Variants in ATG2B observed in about 807,000 individuals in gnomAD.
The protein encoded by ATG2B is autophagy related 2B.
ATG2B carries 121 observed loss-of-function variants against 241.3 expected under a neutral mutation model. The ratio of observed to expected loss-of-function variants is 0.50; its 90% CI spans 0.43 to 0.58. ATG2B has a LOEUF of 0.58. Among genes scored for constraint, ATG2B ranks in the 20% least tolerant of loss-of-function variants. ATG2B has a pLI of 0.00. For synonymous variants in ATG2B, 858 were observed against 876.6 expected, an observed-to-expected ratio of 0.98 and a Z score of 0.37; for missense variants, 2,306 against 2,491.6, an observed-to-expected ratio of 0.93 and a Z score of 1.59.
At chr14:96,312,767 T>C (rs1335057089) in intron 25 of ATG2B, among the ~76,000 whole-genome samples, 1 of 151,922 alleles carries the variant, frequency 6.6e-6, no homozygotes, top group South Asian at 2.1e-4. Context: ...AATAAAAAAA[T>C]TAAATAAAAA....
intron 1 of ATG2B, among the ~76,000 whole-genome samples, chr14:96,351,603 G>A (rs1339582665): frequency 1.3e-5 from 2 of 152,082 alleles, no homozygotes; most frequent in Non-Finnish European, 2.9e-5. Context: ...AGGCATGGTG[G>A]CCCACGCCTT....
chr14:96,306,079 A>C (rs1886938449), intron 30 of ATG2B, among the ~76,000 whole-genome samples: 1 of 152,256 alleles, frequency 6.6e-6, no homozygotes, highest in African/African-American at 2.4e-5. Flanking sequence ...TTTGATAATA[A>C]AAAAGCACAA....
intron 1 of ATG2B, among the ~76,000 whole-genome samples, chr14:96,360,464 T>C (rs974610363): frequency 6.6e-6 from 1 of 152,238 alleles, no homozygotes; most frequent in Non-Finnish European, 1.5e-5. Flanking sequence ...AAACATTGCT[T>C]ATTTTTTAAG....
chr14:96,308,207 TATAA>T (rs1887010350), intron 29 of ATG2B, among the ~76,000 whole-genome samples: 1 of 126,070 alleles, frequency 7.9e-6, no homozygotes, highest in Non-Finnish European at 1.6e-5. Flanking sequence ...TACATATATA[TATAA>T]ATACATAAAT....
intron 1 of ATG2B, among the ~76,000 whole-genome samples, chr14:96,353,496 T>C (rs886537534): frequency 6.6e-6 from 1 of 151,942 alleles, no homozygotes; most frequent in Admixed American, 6.6e-5. Flanking sequence ...CATGGTGACA[T>C]GGGCCTGTAG....
At position 96,283,448 on chromosome 14, in the gene ATG2B, C is replaced by G. The variant is rs549912713; in HGVS notation, c.*2307G>C. ...AGGCCCAGTGGTCTGAGGCTCTGTA[C>G]AAAGCATGACGCCACATGTGATCAT... On this transcript the variant is annotated 3_prime_UTR_variant, in exon 42 of 42. Coordinates refer to ENST00000359933, the MANE Select transcript of ATG2B (RefSeq NM_018036.7). The G allele has an allele frequency of 1.2e-4, 19 of 152,324 alleles. No individual in the cohort carries two copies. The highest frequency in any genetic ancestry group is 4.3e-4 in the African/African-American group (18 of 41,554). The allele number at this position is 152,324 out of a possible 1,614,324, so 9.4% of individuals were successfully genotyped here. A position where few individuals can be genotyped will look rare whatever the true frequency, so the allele number is the denominator to read the frequency against.
chr14:96,325,895 C>T lies in ATG2B; in HGVS notation c.2191G>A (p.Asp731Asn). Reference sequence around the variant, plus strand: ...CAATTTGCAGGACTATGTGAATCATCTAGAAACACTTCAGTGAAAGCCTTG... The same window carrying T: ...CAATTTGCAGGACTATGTGAATCATTTAGAAACACTTCAGTGAAAGCCTTG... ...LHKAFTEVFL[D>N]DSHSPANCRI... The change falls in exon 15 of 42, where the codon GAT becomes AAT. Residue 731 changes from aspartate to asparagine, a missense_variant. Physicochemically the swap from Asp to Asn is conservative, Grantham distance 23. Around this residue, in one of 2 missense-constraint regions of ATG2B, gnomAD observed 1,927 missense variants for 2,011.2 expected, o/e 0.96. Coordinates refer to ENST00000359933, the MANE Select transcript of ATG2B (RefSeq NM_018036.7). 1 of 1,613,336 alleles carries T rather than the reference C, an allele frequency of 6.2e-7. No individual in the cohort carries two copies. The highest frequency in any genetic ancestry group is 8.5e-7 in the Non-Finnish European group (1 of 1,179,756).
At chr14:96,329,436 A>C in intron 12 of ATG2B, 48 bp downstream of exon 12, 1 of 1,363,052 alleles carries the variant, frequency 7.3e-7, no homozygotes, top group Non-Finnish European at 1.0e-6. Flanking sequence ...ATTAAAAAGC[A>C]AGGTAGATTT....
intron 8 of ATG2B, among the ~76,000 whole-genome samples, chr14:96,332,979 A>C (rs1398193765): frequency 2.0e-5 from 3 of 152,214 alleles, no homozygotes; most frequent in African/African-American, 7.2e-5. Flanking sequence ...ATATTAAAAT[A>C]GTATAAATAT....
intron 41 of ATG2B, among the ~76,000 whole-genome samples, chr14:96,287,489 C>T (rs1458055207): frequency 1.3e-5 from 2 of 152,134 alleles, no homozygotes; most frequent in Non-Finnish European, 2.9e-5. Flanking sequence ...ACTACGTTTG[C>T]GGACAACAGA....
chr14:96,287,868 CATGGCTAGTCT>C (rs1389950809), intron 41 of ATG2B, among the ~76,000 whole-genome samples: 47 of 152,186 alleles, frequency 3.1e-4, no homozygotes, highest in Non-Finnish European at 5.6e-4. Context: ...ACAAAAGAGG[CATGGCTAGTCT>C]ACCCTGCAGC....
chr14:96,314,099 C>A (rs959575301), intron 23 of ATG2B, among the ~76,000 whole-genome samples: 1 of 152,144 alleles, frequency 6.6e-6, no homozygotes, highest in Non-Finnish European at 1.5e-5. Context: ...TAAATGTCTC[C>A]CTTCCAGCTG....
At chr14:96,295,422 T>C (rs1886610140) in intron 35 of ATG2B, 60 bp downstream of exon 35, 1 of 1,201,132 alleles carries the variant, frequency 8.3e-7, no homozygotes, top group East Asian at 2.4e-5. Context: ...AAAAGCCTCA[T>C]AACAATTAAA....
At chr14:96,292,283 C>A (rs1441287655) in intron 36 of ATG2B, among the ~76,000 whole-genome samples, 185 bp from the exon 37 acceptor site, 1 of 152,092 alleles carries the variant, frequency 6.6e-6, no homozygotes, top group Admixed American at 6.5e-5. Context: ...AACAATTAAA[C>A]AGATGTTAAT....
chr14:96,358,083 G>C (rs993989192), intron 1 of ATG2B, among the ~76,000 whole-genome samples: 1 of 152,156 alleles, frequency 6.6e-6, no homozygotes, highest in Non-Finnish European at 1.5e-5. Flanking sequence ...TTGTGGCAGA[G>C]AAGTTGAAAT....
chr14:96,337,548 AAT>A (rs1261907930), intron 6 of ATG2B, among the ~76,000 whole-genome samples: 1 of 152,008 alleles, frequency 6.6e-6, no homozygotes, highest in Non-Finnish European at 1.5e-5. Flanking sequence ...AAAACTAAAA[AAT>A]ATGTTTTTGT....
At chr14:96,348,856 G>GT (rs1888240204) in intron 1 of ATG2B, among the ~76,000 whole-genome samples, 1 of 152,144 alleles carries the variant, frequency 6.6e-6, no homozygotes. Flanking sequence ...TTGTATGCCT[G>GT]TGTCAAATAT....
intron 30 of ATG2B, 120 bp from the exon 31 acceptor site, chr14:96,305,935 A>G: frequency 1.4e-6 from 1 of 734,940 alleles, no homozygotes. Context: ...AGTATATAAA[A>G]TAAGGTGATG....
Position 96,285,791 on chromosome 14 carries a change from T to C in ATG2B, c.6201A>G (p.Gln2067=), listed in dbSNP as rs921887303. 4 of 1,614,026 alleles carry C rather than the reference T, an allele frequency of 2.5e-6. No individual in the cohort carries two copies. The highest frequency in any genetic ancestry group is 2.5e-6 in the Non-Finnish European group (3 of 1,180,040). Residue 2067 remains glutamine, a synonymous_variant, in exon 42 of 42, where the codon CAA becomes CAG. Coordinates refer to ENST00000359933, the MANE Select transcript of ATG2B (RefSeq NM_018036.7). This position sits in a 1 kb window ranked among gnomAD's most constrained non-coding sequence, Gnocchi z 4.2. ...CGTGGCGCCATTTCTGTGACTCGTC[T>C]TGCCGGACATCTGGCCTAATTTGGT... ...MRNQIRPDVR[Q]DESQKWRHGD...
Sources: allele counts gnomAD v4.1 joint callset (sites outside exome capture counted in the v4.1 genomes callset), GRCh38; gene constraint gnomAD v4.1.1; regional missense constraint gnomAD v4.1.1; non-coding constraint Gnocchi (gnomAD v3.1); transcripts MANE v1.5; gene names NCBI Gene and HGNC (gene_info 2026-07-23, HGNC 2026-07-21).